Variants in DSP observed in about 807,000 individuals in gnomAD.
DSP encodes the protein desmoplakin, also known as 250/210 kDa paraneoplastic pemphigus antigen.
A neutral mutation model predicts 290.6 loss-of-function variants in DSP; 114 were observed. That is an observed-to-expected ratio of 0.39 (90% confidence interval 0.34 to 0.46). The LOEUF (loss-of-function observed/expected upper bound fraction) is 0.46. Ranked by LOEUF, DSP falls within the 20% of genes least tolerant of loss-of-function variation. The pLI, the probability that DSP is intolerant of heterozygous loss-of-function variation, is 0.99. For missense variants in DSP, 3,230 were observed against 3,495.8 expected, an observed-to-expected ratio of 0.92 and a Z score of 1.92; for synonymous variants, 1,311 against 1,316.4, an observed-to-expected ratio of 1.00 and a Z score of 0.09.
chr6:7,574,567 T>C, intron 16 of DSP, 90 bp from the exon 17 acceptor site: 1 of 1,567,360 alleles, frequency 6.4e-7, no homozygotes, highest in South Asian at 1.1e-5. Context: ...GCTTTGACGT[T>C]GTTCCCTTTC....
In DSP at chr6:7,579,343, C is replaced by T. The variant is rs563387839; in HGVS notation, c.3153C>T (p.Asn1051=). The change falls in exon 23 of 24, where the codon AAC becomes AAT. Residue 1051 remains asparagine (N), a synonymous_variant. Transcript: ENST00000379802. This position sits in a 1 kb window ranked among gnomAD's most constrained non-coding sequence, Gnocchi z 4.1. ...TGGCCCGAGATGCCAACTCGGAAAA[C>T]TGTAATAAGAACAAATTCCTGGATC... ...LRLARDANSE[N]CNKNKFLDQN... is the part of the protein sequence containing the mutation. The T allele has an allele frequency of 8.1e-5, 131 of 1,614,140 alleles. 1 individual carries two copies. In the South Asian group the frequency reaches 1.4e-3, roughly 17 times the overall value.
Position 7,586,591 on chromosome 6 carries a change from TTAATA to T in DSP, c.*715_*719del, listed in dbSNP as rs1278724274. ...ACTTTTGAAGTGTTTGTGTTTTAAT[TTAATA>T]TGTTTATAAGCATGTATAAACATTT... On this transcript the variant is annotated 3_prime_UTR_variant, in exon 24 of 24. Transcript: ENST00000379802. 1.3e-5 allele frequency: 2 copies of T among 152,250 alleles called. No individual in the cohort carries two copies. The highest frequency in any genetic ancestry group is 2.4e-5 in the African/African-American group (1 of 41,460). 9.4% of individuals were successfully genotyped at this position (152,250 alleles called of 1,614,324 possible).
chr6:7,561,488 G>A lies in DSP; in HGVS notation c.598-1164G>A, dbSNP rs566196504. On this transcript the variant is annotated intron_variant, in intron 4 of 23. Coordinates refer to ENST00000379802, the MANE Select transcript of DSP (RefSeq NM_004415.4). Reference sequence around the variant, plus strand: ...AAGGGAACTGTTGCCCCAGCAGCCAGTCAGGAGGCAGGCACTCCTGAGCCA... The same window carrying A: ...AAGGGAACTGTTGCCCCAGCAGCCAATCAGGAGGCAGGCACTCCTGAGCCA... 6.6e-5 allele frequency among the ~76,000 whole-genome samples: 10 copies of A among 152,286 alleles called. No homozygotes were observed. In the South Asian group the frequency reaches 2.1e-3, roughly 32 times the overall value.
In DSP at chr6:7,581,701, A is replaced by C. The variant is rs1375295213; in HGVS notation, c.5379+132A>C. 3.1e-5 allele frequency: 39 copies of C among 1,260,554 alleles called. No individual in the cohort carries two copies. The Middle Eastern group carries it at 8.1e-4, about 26-fold the overall frequency. The allele number at this position is 1,260,554 out of a possible 1,614,324, so 78.1% of individuals were successfully genotyped here. On this transcript the variant is annotated intron_variant, in intron 23 of 23. Transcript: ENST00000379802. ...ATCTAATTTTTCTTTTTATTGCTCT[A>C]CTACTTCCTGTCATAATCCAGGTAA...
intron 3 of DSP, among the ~76,000 whole-genome samples, chr6:7,558,489 C>T (rs146085495): frequency 6.7e-6 from 1 of 149,964 alleles, no homozygotes; most frequent in Non-Finnish European, 1.5e-5. Flanking sequence ...ACAGAAAGCC[C>T]TTTGGCATGG....
Position 7,555,711 on chromosome 6 carries a change from T to C in DSP, c.171-7T>C. On this transcript the variant is annotated splice_region_variant and splice_polypyrimidine_tract_variant and intron_variant, in intron 1 of 23. Coordinates refer to ENST00000379802, the MANE Select transcript of DSP (RefSeq NM_004415.4). ...GATGTCTGGTTTCTCTGTGTTTGCC[T>C]CCTTAGTCAAACCGGCACGATGTCC... The C allele has an allele frequency of 1.9e-6, 3 of 1,613,646 alleles. No homozygotes were observed. Among genetic ancestry groups the C allele is most frequent in the Non-Finnish European group, 2.5e-6 (3 of 1,179,502 alleles).
At chr6:7,573,118 A>ATGTGTG (rs56891607) in intron 15 of DSP, among the ~76,000 whole-genome samples, 311 of 150,018 alleles carry the variant, frequency 2.1e-3, no homozygotes, top group Non-Finnish European at 2.9e-3. Flanking sequence ...TTAAAAAAAA[A>ATGTGTG]TGTGTGTGTG....
intron 11 of DSP, 92 bp downstream of exon 11, chr6:7,568,681 A>G: frequency 7.4e-7 from 1 of 1,348,334 alleles, no homozygotes; most frequent in Non-Finnish European, 1.1e-6. Flanking sequence ...TCTAGAGTTC[A>G]ATAATCACCA....
chr6:7,576,533 T>C, intron 19 of DSP, 77 bp downstream of exon 19: 1 of 1,562,718 alleles, frequency 6.4e-7, no homozygotes, highest in Non-Finnish European at 8.8e-7. Flanking sequence ...GGTTTTTGTA[T>C]CAGTGCCTAG....
chr6:7,585,862 G>T lies in DSP; in HGVS notation c.8600G>T (p.Ser2867Ile). The change falls in exon 24 of 24, where the codon AGT becomes ATT. Residue 2867 changes from serine (S) to isoleucine (I), a missense_variant. By Grantham distance (142) the Ser-to-Ile change is moderately radical. This residue lies in a region of DSP where 582 missense variants were observed against 555.4 expected (regional missense o/e 1.05). Coordinates refer to ENST00000379802, the MANE Select transcript of DSP (RefSeq NM_004415.4). Reference protein sequence around the residue: ...SYSYSYSFSSSSIGH With the variant: ...SYSYSYSFSSISIGH ...TCTTATTCCTACTCATTTAGCAGTA[G>T]TTCTATTGGGCACTAGTAGTCAGTT... 10 of 1,614,072 alleles carry T rather than the reference G, an allele frequency of 6.2e-6. No individual in the cohort carries two copies. Among genetic ancestry groups the T allele is most frequent in the Non-Finnish European group, 7.6e-6 (9 of 1,180,036 alleles).
intron 1 of DSP, among the ~76,000 whole-genome samples, chr6:7,542,479 TAA>T (rs1469040750): frequency 6.6e-6 from 1 of 151,830 alleles, no homozygotes; most frequent in Admixed American, 6.6e-5. Flanking sequence ...GTAATCAAAG[TAA>T]AAGAGGAAAG....
chr6:7,561,689 T>A (rs1011180899), intron 4 of DSP, among the ~76,000 whole-genome samples: 5 of 152,158 alleles, frequency 3.3e-5, no homozygotes, highest in African/African-American at 4.8e-5. Context: ...AGGGTCAAAG[T>A]CCCGGGTAAC....
At chr6:7,548,619 G>A (rs949529486) in intron 1 of DSP, among the ~76,000 whole-genome samples, 2 of 152,180 alleles carry the variant, frequency 1.3e-5, no homozygotes, top group Non-Finnish European at 2.9e-5. Context: ...CGAGAAAACC[G>A]CCTGGAAAAG....
chr6:7,562,849 CAG>C, intron 5 of DSP, 69 bp downstream of exon 5: 1 of 1,599,712 alleles, frequency 6.3e-7, no homozygotes, highest in Non-Finnish European at 8.6e-7. Flanking sequence ...TACTCAATCC[CAG>C]GGAGTTTCTT....
chr6:7,583,171 G>C lies in DSP; in HGVS notation c.5909G>C (p.Gly1970Ala). The change falls in exon 24 of 24, where the codon GGG (glycine) becomes GCG (alanine). Residue 1970 changes from glycine (G) to alanine (A), a missense_variant. Coordinates refer to ENST00000379802, the MANE Select transcript of DSP (RefSeq NM_004415.4). The surrounding 1 kb of genome is among the most constrained non-coding windows in gnomAD (Gnocchi z 4.0). ...GACACCTCCAAGCTGGTGTTTGATG[G>C]GCTGAGGAAGAAGGTGACAGCAATG... Reference protein sequence around the residue: ...TVDTSKLVFDGLRKKVTAMQL... With the variant: ...TVDTSKLVFDALRKKVTAMQL... 6.2e-7 allele frequency: 1 copy of C among 1,614,076 alleles called. No individual in the cohort carries two copies. The highest frequency in any genetic ancestry group is 8.5e-7 in the Non-Finnish European group (1 of 1,180,014).
chr6:7,558,086 G>C (rs750739835), intron 2 of DSP, 30 bp from the exon 3 acceptor site: 2 of 1,614,102 alleles, frequency 1.2e-6, no homozygotes, highest in South Asian at 1.1e-5. Flanking sequence ...GGTAGTATGT[G>C]TTTTCCTTCA....
At chr6:7,544,370 C>T (rs970996080) in intron 1 of DSP, among the ~76,000 whole-genome samples, 6 of 152,158 alleles carry the variant, frequency 3.9e-5, no homozygotes, top group Non-Finnish European at 7.4e-5. Flanking sequence ...GCAGGGTGCC[C>T]TCTGTGCCCA....
intron 1 of DSP, among the ~76,000 whole-genome samples, chr6:7,550,209 A>C (rs1170021171): frequency 6.7e-6 from 1 of 149,432 alleles, no homozygotes; most frequent in African/African-American, 2.5e-5. Context: ...CTTCATGCCC[A>C]GCTGTTTTGT....
chr6:7,564,215 G>T (rs189874682), intron 6 of DSP, among the ~76,000 whole-genome samples: 32 of 152,320 alleles, frequency 2.1e-4, no homozygotes, highest in Middle Eastern at 3.4e-3. Context: ...CTTGTGAATT[G>T]TGGTCTTTTT....
Sources: allele counts gnomAD v4.1 joint callset (sites outside exome capture counted in the v4.1 genomes callset), GRCh38; gene constraint gnomAD v4.1.1; regional missense constraint gnomAD v4.1.1; non-coding constraint Gnocchi (gnomAD v3.1); transcripts MANE v1.5; gene names NCBI Gene and HGNC (gene_info 2026-07-23, HGNC 2026-07-21).